Variants in ZNF487 observed in about 807,000 individuals in gnomAD.
ZNF487 encodes zinc finger protein 487.
ZNF487 carries 4 observed loss-of-function variants against 3.0 expected under a neutral mutation model. The observed-to-expected ratio is 1.35, with a 90% CI of 0.66 to 3.08. ZNF487 has a LOEUF of 3.08. Among genes scored for constraint, ZNF487 ranks in the 30% most tolerant of loss-of-function variants. The probability of loss-of-function intolerance (pLI) is 0.01; values close to 1 mark genes in which losing one functional copy is unlikely to be tolerated. For missense variants in ZNF487, 146 were observed against 98.7 expected (o/e 1.48, Z -2.03); for synonymous variants, 55 against 34.6 (o/e 1.59, Z -2.06).
At chr10:43,445,135 C>T (rs981158329) in intron 1 of ZNF487, among the ~76,000 whole-genome samples, 69 of 151,566 alleles carry the variant, frequency 4.6e-4, no homozygotes, top group African/African-American at 1.5e-3. Context: ...TCATCTCAAA[C>T]GTGGTTTTCA....
intron 1 of ZNF487, among the ~76,000 whole-genome samples, chr10:43,461,649 T>A (rs1241393008): frequency 6.6e-6 from 1 of 152,198 alleles, no homozygotes; most frequent in Non-Finnish European, 1.5e-5. Context: ...ATTTTATGCC[T>A]GTTTCAGAAA....
chr10:43,519,582 C>T, the ZNF487 span, among the ~76,000 whole-genome samples: 3 of 152,004 alleles, frequency 2.0e-5, no homozygotes, highest in Non-Finnish European at 2.9e-5. Context: ...TTTCTTCTGC[C>T]TCAGCCTCCC....
intron 1 of ZNF487, among the ~76,000 whole-genome samples, chr10:43,461,477 G>A (rs1198508364): frequency 6.6e-6 from 1 of 151,774 alleles, no homozygotes; most frequent in African/African-American, 2.4e-5. Flanking sequence ...GTACCATAAT[G>A]CCTGGTTACT....
At chr10:43,479,801 C>A (rs1841242794) in intron 3 of ZNF487, among the ~76,000 whole-genome samples, 1 of 152,102 alleles carries the variant, frequency 6.6e-6, no homozygotes, top group African/African-American at 2.4e-5. Flanking sequence ...GCACCCACCA[C>A]TGTGTCCTGG....
chr10:43,452,766 C>G (rs1030086349), intron 1 of ZNF487: 2 of 151,820 alleles, frequency 1.3e-5, no homozygotes, highest in African/African-American at 4.8e-5. Flanking sequence ...GGGGCTGTCA[C>G]CAGTTTTGAA....
In ZNF487 at chr10:43,475,847, G is replaced by A; in HGVS notation, c.34G>A (p.Gly12Arg). 1 of 771,290 alleles carries A rather than the reference G, an allele frequency of 1.3e-6. No individual in the cohort carries two copies. The highest frequency in any genetic ancestry group is 1.4e-5 in the South Asian group (1 of 72,986). The allele number at this position is 771,290 out of a possible 1,614,324, so 47.8% of individuals were successfully genotyped here. A position where few individuals can be genotyped will look rare whatever the true frequency, so the allele number is the denominator to read the frequency against. ...GAACTACAGCCTCCTCCTCTCAGTG[G>A]GTAAGGATTATGTAATTTGCAGCTT... is the stretch of plus-strand genomic sequence containing the variant. Reference protein sequence around the residue: ...LENYSLLLSVGYCITKPEVVC... With the variant: ...LENYSLLLSVRYCITKPEVVC... Residue 12 changes from glycine to arginine, a missense_variant and splice_region_variant, in exon 2 of 4, where the codon GGA (glycine) becomes AGA (arginine). Coordinates refer to ENST00000437590, the MANE Select transcript of ZNF487 (RefSeq NM_001355444.3).
intron 1 of ZNF487, among the ~76,000 whole-genome samples, chr10:43,439,730 AAAAG>A (rs1471202555): frequency 3.9e-5 from 6 of 152,250 alleles, no homozygotes; most frequent in African/African-American, 1.4e-4. Flanking sequence ...GTGAAAATAA[AAAAG>A]AAAATGTCAT....
the ZNF487 span, among the ~76,000 whole-genome samples, chr10:43,498,093 A>AT: frequency 2.3e-4 from 3 of 13,268 alleles, no homozygotes; most frequent in Admixed American, 1.2e-3. Context: ...ATATATATAT[A>AT]TATATATTTT....
At chr10:43,504,242 G>A in the ZNF487 span, among the ~76,000 whole-genome samples, 1 of 149,692 alleles carries the variant, frequency 6.7e-6, no homozygotes, top group Non-Finnish European at 1.5e-5. Flanking sequence ...TTGTTCCTAA[G>A]TTCCTCCTTT....
intron 1 of ZNF487, among the ~76,000 whole-genome samples, chr10:43,446,392 TTC>T (rs1457096560): frequency 7.0e-6 from 1 of 142,788 alleles, no homozygotes; most frequent in Non-Finnish European, 1.5e-5. Context: ...GGCTCCTCAC[TTC>T]TCAGACGGGG....
rs931832084 is a variant in ZNF487 at position 43,482,191 on chromosome 10, C to G, written c.*269C>G. On this transcript the variant is annotated 3_prime_UTR_variant, in exon 4 of 4. Coordinates refer to ENST00000437590, the MANE Select transcript of ZNF487 (RefSeq NM_001355444.3). The stretch of plus-strand genomic sequence containing the variant: ...GTAGTAGACATTTGGAAGTATTCTG[C>G]AAGAAGCCAAATTTCACTCAACATC... The G allele has an allele frequency of 9.9e-6, 5 of 507,554 alleles. No individual in the cohort carries two copies. The highest frequency in any genetic ancestry group is 1.9e-5 in the African/African-American group (1 of 52,064). 31.4% of individuals were successfully genotyped at this position (507,554 alleles called of 1,614,324 possible).
the ZNF487 span, among the ~76,000 whole-genome samples, chr10:43,520,180 T>C: frequency 1.0e-5 from 1 of 97,454 alleles, no homozygotes; most frequent in Non-Finnish European, 2.1e-5. Flanking sequence ...CAGATTAAGT[T>C]CTTGACTAGT....
the ZNF487 span, chr10:43,496,061 G>A: frequency 1.9e-6 from 1 of 534,442 alleles, no homozygotes; most frequent in South Asian, 1.4e-5. Flanking sequence ...CACCCAGGAG[G>A]AGTGGTAGCA....
At chr10:43,487,377 G>T (rs1315833643), downstream of ZNF487, among the ~76,000 whole-genome samples, 1 of 151,802 alleles carries the variant, frequency 6.6e-6, no homozygotes, top group African/African-American at 2.4e-5. Context: ...CTGACCTCGT[G>T]ATCTGCCTGC....
chr10:43,443,462 C>T (rs1412852579), intron 1 of ZNF487, among the ~76,000 whole-genome samples: 39 of 151,462 alleles, frequency 2.6e-4, no homozygotes. Context: ...AAACCTCCCC[C>T]TACCGGGTTC....
At chr10:43,456,742 G>A (rs1193342957) in intron 1 of ZNF487, among the ~76,000 whole-genome samples, 2 of 151,980 alleles carry the variant, frequency 1.3e-5, no homozygotes, top group South Asian at 2.1e-4. Context: ...CACCATGCCC[G>A]GTTAATTTTT....
chr10:43,445,614 T>C (rs1442533568), intron 1 of ZNF487, among the ~76,000 whole-genome samples: 1 of 151,898 alleles, frequency 6.6e-6, no homozygotes, highest in Non-Finnish European at 1.5e-5. Flanking sequence ...CTTTACCCAA[T>C]GGGCCATGAA....
intron 1 of ZNF487, among the ~76,000 whole-genome samples, chr10:43,475,515 A>G (rs79443027): frequency 6.9e-6 from 1 of 144,504 alleles, no homozygotes; most frequent in Non-Finnish European, 1.5e-5. Flanking sequence ...ACCCCGTCTG[A>G]AAAAAAAAAA....
chr10:43,442,265 C>A lies in ZNF487; in HGVS notation c.-94+5003C>A, dbSNP rs868610642. Among the ~76,000 whole-genome samples, 614 of 142,588 alleles carry A rather than the reference C, an allele frequency of 4.3e-3. 8 individuals are homozygous for A. Among genetic ancestry groups the A allele is most frequent in the African/African-American group, 0.013 (497 of 36,930 alleles). The allele number at this position is 142,588 out of a possible 152,430, so 93.5% of individuals were successfully genotyped here. A position where few individuals can be genotyped will look rare whatever the true frequency, so the allele number is the denominator to read the frequency against. ...ACAACAACAACAACAACAACAACAA[C>A]AACAAAAAAAAAACAAAGAAAAAAA... On this transcript the variant is annotated intron_variant, in intron 1 of 3. Transcript: ENST00000437590.
Sources: allele counts gnomAD v4.1 joint callset (sites outside exome capture counted in the v4.1 genomes callset), GRCh38; gene constraint gnomAD v4.1.1; transcripts MANE v1.5; gene names NCBI Gene and HGNC (gene_info 2026-07-23, HGNC 2026-07-21).